Variants in TMEM267 observed in about 807,000 individuals in gnomAD.
TMEM267 encodes the protein transmembrane protein C5orf28.
Under a neutral mutation model 19.3 loss-of-function variants are expected in TMEM267, and 20 were observed. That is an observed-to-expected ratio of 1.04 (90% CI 0.73 to 1.51). The LOEUF is 1.51. TMEM267 is among the 40% of genes most tolerant of loss of function. The pLI, the probability that TMEM267 is intolerant of heterozygous loss-of-function variation, is 0.00. For missense variants in TMEM267, 242 were observed against 261.9 expected, an observed-to-expected ratio of 0.92 and a Z score of 0.52; for synonymous variants, 88 against 90.3, an observed-to-expected ratio of 0.97 and a Z score of 0.15.
intron 2 of TMEM267, among the ~76,000 whole-genome samples, chr5:43,452,950 AT>A (rs1742701712): frequency 6.6e-6 from 1 of 152,240 alleles, no homozygotes; most frequent in African/African-American, 2.4e-5. Context: ...TGAAATGTTT[AT>A]AGATCATAAG....
chr5:43,467,211 A>T lies in TMEM267; in HGVS notation c.-74-13168T>A, dbSNP rs117806468. Among the ~76,000 whole-genome samples the T allele has an allele frequency of 2.4e-3, 370 of 152,046 alleles. 6 individuals carry two copies. In the East Asian group the frequency reaches 0.04, roughly 16 times the overall value. On this transcript the variant is annotated intron_variant, in intron 1 of 2. Transcript: ENST00000397080. ...TAAAACAACCAAAAAATAAATAACA[A>T]AATGGAAAGAGTAAGTCCTTACTTA...
At chr5:43,461,931 C>T (rs1344872287) in intron 1 of TMEM267, among the ~76,000 whole-genome samples, 1 of 152,162 alleles carries the variant, frequency 6.6e-6, no homozygotes, top group African/African-American at 2.4e-5. Flanking sequence ...GTCCCAGGGC[C>T]TACAGCAAAC....
chr5:43,463,959 A>G (rs1268023984), intron 1 of TMEM267, among the ~76,000 whole-genome samples: 9 of 152,182 alleles, frequency 5.9e-5, no homozygotes, highest in Non-Finnish European at 1.3e-4. Context: ...GGCCAGAGCA[A>G]TTAGGCAGGA....
At chr5:43,470,866 TA>T (rs1463889854) in intron 1 of TMEM267, among the ~76,000 whole-genome samples, 23 of 152,070 alleles carry the variant, frequency 1.5e-4, no homozygotes, top group African/African-American at 4.6e-4. Context: ...AGAAAACTAT[TA>T]AAACTATTAA....
intron 2 of TMEM267, among the ~76,000 whole-genome samples, chr5:43,450,434 G>A (rs1030572019): frequency 6.6e-6 from 1 of 152,164 alleles, no homozygotes; most frequent in Admixed American, 6.5e-5. Context: ...ACCACCTTAT[G>A]GTGGATGTAA....
intron 1 of TMEM267, among the ~76,000 whole-genome samples, chr5:43,475,886 A>G (rs572259647): frequency 6.6e-6 from 1 of 152,358 alleles, no homozygotes; most frequent in East Asian, 1.9e-4. Flanking sequence ...TAAAAGATGA[A>G]AAAGATCAGT....
chr5:43,452,077 CAAA>C (rs375224453), intron 2 of TMEM267, among the ~76,000 whole-genome samples: 6 of 86,528 alleles, frequency 6.9e-5, no homozygotes, highest in Admixed American at 3.0e-4. Flanking sequence ...GACCCTATCT[CAAA>C]AAAAAAAAAA....
intron 1 of TMEM267, among the ~76,000 whole-genome samples, chr5:43,477,927 T>A (rs1744525497): frequency 6.6e-6 from 1 of 152,220 alleles, no homozygotes; most frequent in African/African-American, 2.4e-5. Context: ...CAATTTATTA[T>A]TTTTTTGACT....
chr5:43,483,202 C>T (rs1314175923), intron 1 of TMEM267, among the ~76,000 whole-genome samples: 1 of 152,190 alleles, frequency 6.6e-6, no homozygotes, highest in Admixed American at 6.5e-5. Flanking sequence ...CTTTTTATAG[C>T]CATCAGATGT....
intron 1 of TMEM267, among the ~76,000 whole-genome samples, chr5:43,456,542 G>C (rs1413230157): frequency 1.3e-5 from 2 of 151,978 alleles, no homozygotes; most frequent in Non-Finnish European, 2.9e-5. Flanking sequence ...AATATATAAA[G>C]AACTCTCAAA....
intron 1 of TMEM267, among the ~76,000 whole-genome samples, chr5:43,476,676 G>C (rs921159458): frequency 6.6e-6 from 1 of 151,500 alleles, no homozygotes; most frequent in African/African-American, 2.4e-5. Flanking sequence ...AAGAGTACAT[G>C]CTAATAAACT....
Position 43,446,411 on chromosome 5 carries a change from A to T in TMEM267, c.459T>A (p.Thr153=). The T allele has an allele frequency of 6.2e-7, 1 of 1,614,146 alleles. No individual in the cohort carries two copies. The highest frequency in any genetic ancestry group is 8.5e-7 in the Non-Finnish European group (1 of 1,179,960). Reference sequence around the variant, plus strand: ...GAATCCCATCTCGGATATGATGTGAAGTCCAGGATATAAATAACATCCAGG... The same window carrying T: ...GAATCCCATCTCGGATATGATGTGATGTCCAGGATATAAATAACATCCAGG... ...FLPWMLFISW[T]SHHIRDGIRH... The change falls in exon 3 of 3, where the codon ACT becomes ACA. Residue 153 remains threonine, a synonymous_variant. Coordinates refer to ENST00000397080, the MANE Select transcript of TMEM267 (RefSeq NM_022483.5).
At chr5:43,479,590 TA>T (rs571247057) in intron 1 of TMEM267, among the ~76,000 whole-genome samples, 684 of 140,358 alleles carry the variant, frequency 4.9e-3, no homozygotes, top group African/African-American at 0.018. Flanking sequence ...TCCAATCTCA[TA>T]AATCAAATTT....
At chr5:43,456,375 CAA>C (rs1388802763) in intron 1 of TMEM267, among the ~76,000 whole-genome samples, 1 of 151,806 alleles carries the variant, frequency 6.6e-6, no homozygotes, top group Non-Finnish European at 1.5e-5. Flanking sequence ...TTGGGTCACG[CAA>C]AGAGTTATTA....
At chr5:43,466,027 T>TA (rs912096433) in intron 1 of TMEM267, among the ~76,000 whole-genome samples, 13 of 150,966 alleles carry the variant, frequency 8.6e-5, no homozygotes, top group African/African-American at 2.2e-4. Context: ...TTTAAAACTT[T>TA]AAAAAAAATA....
At chr5:43,476,780 A>G (rs1364373265) in intron 1 of TMEM267, among the ~76,000 whole-genome samples, 2 of 151,996 alleles carry the variant, frequency 1.3e-5, no homozygotes, top group African/African-American at 2.4e-5. Context: ...AAATGTGTAC[A>G]TAATTCTGAA....
intron 1 of TMEM267, chr5:43,476,250 G>A (rs1333426025): frequency 6.6e-6 from 1 of 152,210 alleles, no homozygotes; most frequent in African/African-American, 2.4e-5. Context: ...GGTTACTCAA[G>A]CATCAAAACT....
intron 1 of TMEM267, among the ~76,000 whole-genome samples, chr5:43,455,482 A>T: frequency 6.6e-6 from 1 of 152,120 alleles, no homozygotes; most frequent in South Asian, 2.1e-4. Context: ...AGACATACAG[A>T]CTAACAAAAC....
At chr5:43,465,214 C>A (rs1743573703) in intron 1 of TMEM267, among the ~76,000 whole-genome samples, 1 of 152,214 alleles carries the variant, frequency 6.6e-6, no homozygotes, top group African/African-American at 2.4e-5. Context: ...AAATGCTCAT[C>A]ATCACTGGCC....
Sources: gnomAD v4.1 joint callset for allele counts (sites outside exome capture counted in the v4.1 genomes callset) on GRCh38, gnomAD v4.1.1 for gene constraint, MANE v1.5 for transcripts, NCBI Gene and HGNC (gene_info 2026-07-23, HGNC 2026-07-21) for gene names.